The following CEP85L variants were observed in gnomAD, a reference collection of about 807,000 sequenced individuals.
CEP85L encodes centrosomal protein 85L.
CEP85L carries 60 observed loss-of-function variants against 100.3 expected under a neutral mutation model. The observed-to-expected ratio is 0.60, with a 90% confidence interval of 0.49 to 0.74. The LOEUF (loss-of-function observed/expected upper bound fraction) is 0.74. CEP85L is among the 30% of genes least tolerant of loss of function. CEP85L has a pLI of 0.00. For synonymous variants in CEP85L, 319 were observed against 322.7 expected, an observed-to-expected ratio of 0.99 and a Z score of 0.12; for missense variants, 973 against 936.2, an observed-to-expected ratio of 1.04 and a Z score of -0.51.
chr6:118,517,464 T>C (rs759451659), intron 4 of CEP85L, among the ~76,000 whole-genome samples: 14 of 152,244 alleles, frequency 9.2e-5, no homozygotes, highest in Non-Finnish European at 1.8e-4. Context: ...TTCATATCCC[T>C]TTTAAGTTCT....
At chr6:118,478,553 A>G (rs1773556078) in intron 10 of CEP85L, among the ~76,000 whole-genome samples, 1 of 152,122 alleles carries the variant, frequency 6.6e-6, no homozygotes, top group Admixed American at 6.6e-5. Context: ...AAGAAAACCA[A>G]AAAAGATAGC....
intron 1 of CEP85L, among the ~76,000 whole-genome samples, chr6:118,650,859 A>C (rs1216628211): frequency 6.6e-6 from 1 of 152,142 alleles, no homozygotes; most frequent in Non-Finnish European, 1.5e-5. Context: ...CCCCGTTATC[A>C]CGCAGGTCAC....
At chr6:118,646,853 T>G in intron 1 of CEP85L, 5 of 818,354 alleles carry the variant, frequency 6.1e-6, no homozygotes, top group Non-Finnish European at 7.4e-6. Context: ...CTCTCAACCC[T>G]TTCTGTTCAC....
At chr6:118,466,091 G>A (rs1434785887) in intron 12 of CEP85L, among the ~76,000 whole-genome samples, 1 of 152,118 alleles carries the variant, frequency 6.6e-6, no homozygotes, top group East Asian at 1.9e-4. Context: ...GAGGAAGAGT[G>A]AAAGCTGGGA....
chr6:118,555,746 A>T (rs1478560894), intron 3 of CEP85L, among the ~76,000 whole-genome samples: 1 of 152,030 alleles, frequency 6.6e-6, no homozygotes, highest in Admixed American at 6.6e-5. Flanking sequence ...GTATTACTTC[A>T]TCATCCCGTT....
chr6:118,623,272 T>C (rs1356798185), intron 2 of CEP85L, among the ~76,000 whole-genome samples: 1 of 152,220 alleles, frequency 6.6e-6, no homozygotes, highest in Non-Finnish European at 1.5e-5. Flanking sequence ...TGTAGAGGAC[T>C]GGCAGTTAAA....
At chr6:118,542,935 C>A (rs1777993389) in intron 3 of CEP85L, among the ~76,000 whole-genome samples, 2 of 107,778 alleles carry the variant, frequency 1.9e-5, no homozygotes, top group Non-Finnish European at 4.5e-5. Flanking sequence ...AGGATATTCA[C>A]AGCAACCAAT....
At chr6:118,631,801 G>A (rs1169452708) in intron 2 of CEP85L, among the ~76,000 whole-genome samples, 7 of 152,164 alleles carry the variant, frequency 4.6e-5, no homozygotes, top group Non-Finnish European at 4.4e-5. Flanking sequence ...AGAGATAAAG[G>A]AGAGGGGGCA....
chr6:118,479,786 C>T, intron 10 of CEP85L, 85 bp downstream of exon 10: 1 of 634,162 alleles, frequency 1.6e-6, no homozygotes, highest in Non-Finnish European at 2.6e-6. Context: ...ACGATATATG[C>T]ATGCTTTAAT....
At chr6:118,478,863 T>C (rs996131772) in intron 10 of CEP85L, among the ~76,000 whole-genome samples, 1 of 152,184 alleles carries the variant, frequency 6.6e-6, no homozygotes, top group Non-Finnish European at 1.5e-5. Context: ...CAATGAATGC[T>C]AATATATACT....
At chr6:118,492,126 A>AG (rs1455822205) in intron 5 of CEP85L, among the ~76,000 whole-genome samples, 2 of 152,114 alleles carry the variant, frequency 1.3e-5, no homozygotes, top group African/African-American at 4.8e-5. Context: ...AGAAAGATAA[A>AG]GTATGTAAGG....
intron 5 of CEP85L, among the ~76,000 whole-genome samples, chr6:118,496,849 A>T (rs1278305923): frequency 6.6e-6 from 1 of 152,198 alleles, no homozygotes; most frequent in Non-Finnish European, 1.5e-5. Flanking sequence ...TTCAAGGGAG[A>T]ATGACAACGG....
At chr6:118,640,342 G>GTGGAAAAGA (rs3081623) in intron 1 of CEP85L, among the ~76,000 whole-genome samples, 113,806 of 151,508 alleles carry the variant, frequency 0.75, 43,454 homozygotes, top group African/African-American at 0.8. Context: ...GTATAGCTCA[G>GTGGAAAAGA]TGTGCACTGT....
chr6:118,670,254 G>A (rs1182038773), intron 1 of CEP85L, among the ~76,000 whole-genome samples: 22 of 151,440 alleles, frequency 1.5e-4, no homozygotes, highest in Admixed American at 1.4e-3. Flanking sequence ...TTAGGTTCAG[G>A]GGTACGAGTG....
intron 2 of CEP85L, among the ~76,000 whole-genome samples, chr6:118,586,140 T>C (rs1418645140): frequency 2.0e-5 from 3 of 151,948 alleles, no homozygotes; most frequent in Non-Finnish European, 4.4e-5. Context: ...TCAGGAAAGG[T>C]AGAGAAAACT....
chr6:118,646,476 C>T (rs1489098779), intron 1 of CEP85L, among the ~76,000 whole-genome samples: 3 of 151,920 alleles, frequency 2.0e-5, no homozygotes, highest in South Asian at 2.1e-4. Context: ...CAAGACCAAC[C>T]TGGTCAACAT....
chr6:118,600,341 GT>G (rs1562297945), intron 2 of CEP85L, among the ~76,000 whole-genome samples: 2 of 134,244 alleles, frequency 1.5e-5, no homozygotes, highest in African/African-American at 5.5e-5. Flanking sequence ...GTGTGTGTGT[GT>G]GTGTGTGTGT....
Position 118,526,096 on chromosome 6 carries a change from G to C in CEP85L, c.1021-2176C>G, listed in dbSNP as rs556399409. ...GGCACATACTTTTGTCAGATGGGAA[G>C]ATATTTCAAAAGTGACACATAGTGT... On this transcript the variant is annotated intron_variant, in intron 3 of 12. Transcript: ENST00000368491. Among the ~76,000 whole-genome samples the C allele has an allele frequency of 4.6e-5, 7 of 152,292 alleles. No individual in the cohort carries two copies. The South Asian group carries it at 1.5e-3, about 32-fold the overall frequency.
intron 1 of CEP85L, among the ~76,000 whole-genome samples, chr6:118,648,419 TA>T (rs1011153512): frequency 7.3e-5 from 11 of 151,642 alleles, no homozygotes; most frequent in African/African-American, 2.2e-4. Flanking sequence ...GCCATTTCTT[TA>T]AAAAAAAATT....
Sources: allele counts gnomAD v4.1 joint callset (sites outside exome capture counted in the v4.1 genomes callset), GRCh38; gene constraint gnomAD v4.1.1; transcripts MANE v1.5; gene names NCBI Gene and HGNC (gene_info 2026-07-23, HGNC 2026-07-21).